The following KIAA1217 variants were observed in gnomAD, a reference collection of about 807,000 sequenced individuals.
KIAA1217 encodes sickle tail protein homolog.
KIAA1217 carries 88 observed loss-of-function variants against 163.9 expected under a neutral mutation model. The observed-to-expected ratio is 0.54, with a 90% CI of 0.45 to 0.64. The LOEUF is 0.64. Ranked by LOEUF, KIAA1217 falls within the 30% of genes least tolerant of loss-of-function variation. KIAA1217 has a pLI of 0.00. For missense variants in KIAA1217, 2,372 were observed against 2,475.0 expected, an observed-to-expected ratio of 0.96 and a Z score of 0.88; for synonymous variants, 903 against 923.1, an observed-to-expected ratio of 0.98 and a Z score of 0.39.
At chr10:23,998,416 C>A (rs189466328) in intron 1 of KIAA1217, among the ~76,000 whole-genome samples, 100 of 152,322 alleles carry the variant, frequency 6.6e-4, no homozygotes, top group African/African-American at 2.3e-3. Flanking sequence ...TTTCCAGGAC[C>A]CTGTTTCTCG....
chr10:24,088,252 T>TAC, intron 2 of KIAA1217, among the ~76,000 whole-genome samples: 1 of 102,946 alleles, frequency 9.7e-6, no homozygotes, highest in African/African-American at 3.3e-5. Context: ...GTTTTTTTAA[T>TAC]ATACATATAT....
chr10:23,811,390 G>A (rs1017044216), intron 1 of KIAA1217, among the ~76,000 whole-genome samples: 2 of 150,388 alleles, frequency 1.3e-5, no homozygotes, highest in East Asian at 1.9e-4. Flanking sequence ...AGAAGGGAGT[G>A]GGACTGGAGA....
At chr10:23,996,923 T>G (rs1846515343) in intron 1 of KIAA1217, among the ~76,000 whole-genome samples, 2 of 152,196 alleles carry the variant, frequency 1.3e-5, no homozygotes, top group Admixed American at 1.3e-4. Context: ...TTTTTATTCT[T>G]ATTTACTCCT....
chr10:23,849,555 C>G (rs1839203092), intron 1 of KIAA1217, among the ~76,000 whole-genome samples: 1 of 152,058 alleles, frequency 6.6e-6, no homozygotes, highest in Non-Finnish European at 1.5e-5. Context: ...CTAAATGCAG[C>G]TGAGCTTCGC....
intron 6 of KIAA1217, among the ~76,000 whole-genome samples, chr10:24,484,537 G>A (rs569528166): frequency 1.5e-4 from 23 of 151,710 alleles, no homozygotes; most frequent in Admixed American, 8.5e-4. Context: ...GTGAGCCACC[G>A]TGTATGGCCT....
intron 1 of KIAA1217, among the ~76,000 whole-genome samples, chr10:23,774,142 C>T (rs1834913447): frequency 1.3e-5 from 2 of 152,040 alleles, no homozygotes; most frequent in African/African-American, 4.8e-5. Context: ...CCATCAATAC[C>T]TAATTTATCA....
intron 2 of KIAA1217, among the ~76,000 whole-genome samples, chr10:24,287,924 G>T (rs1244359711): frequency 6.6e-6 from 1 of 152,090 alleles, no homozygotes; most frequent in African/African-American, 2.4e-5. Context: ...TTTTTAAATT[G>T]TTCACTCTGG....
chr10:24,169,597 A>T (rs148531551), intron 2 of KIAA1217, among the ~76,000 whole-genome samples: 2 of 152,268 alleles, frequency 1.3e-5, no homozygotes, highest in East Asian at 3.9e-4. Context: ...AATGAAGTGT[A>T]GATCTGGAAA....
At chr10:23,824,648 AAATAAAAAAAATAT>A (rs1401512664) in intron 1 of KIAA1217, among the ~76,000 whole-genome samples, 201 of 84,364 alleles carry the variant, frequency 2.4e-3, no homozygotes, top group African/African-American at 0.011. Flanking sequence ...AAAAAAAAAA[AAATAAAAAAAATAT>A]ATATATATAT....
intron 2 of KIAA1217, among the ~76,000 whole-genome samples, chr10:24,300,650 C>T (rs2041206659): frequency 6.6e-6 from 1 of 152,186 alleles, no homozygotes; most frequent in African/African-American, 2.4e-5. Context: ...TCACTACAGC[C>T]TCCACCTCCT....
chr10:23,837,469 T>C (rs1001235199), intron 1 of KIAA1217, among the ~76,000 whole-genome samples: 1 of 152,192 alleles, frequency 6.6e-6, no homozygotes, highest in Non-Finnish European at 1.5e-5. Context: ...CCCAAGGACA[T>C]TCTTTGGTTT....
Position 24,547,108 on chromosome 10 carries a change from T to A in KIAA1217, c.*784T>A, listed in dbSNP as rs2075752031. 1 of 151,916 alleles carries A rather than the reference T, an allele frequency of 6.6e-6. No homozygotes were observed. Among genetic ancestry groups the A allele is most frequent in the South Asian group, 2.1e-4 (1 of 4,778 alleles). The allele number at this position is 151,916 out of a possible 1,614,324, so 9.4% of individuals were successfully genotyped here. ...ATGTTGAGATTCTCTAGTTGTTTTC[T>A]TTGGCGTATCTAACCCCTTCTTTTG... On this transcript the variant is annotated 3_prime_UTR_variant, in exon 21 of 21. Transcript: ENST00000376454.
At chr10:24,245,506 G>A (rs10508672) in intron 2 of KIAA1217, among the ~76,000 whole-genome samples, 18,719 of 152,150 alleles carry the variant, frequency 0.12, 1,985 homozygotes, top group African/African-American at 0.25. Context: ...CGTTTTTGGA[G>A]TGAATAAGAG....
At chr10:23,869,124 G>GTTTGTTTTTTTTTTTTTT (rs1840331986) in intron 1 of KIAA1217, among the ~76,000 whole-genome samples, 1 of 31,702 alleles carries the variant, frequency 3.2e-5, no homozygotes, top group African/African-American at 1.2e-4. Flanking sequence ...ATGAAATGTA[G>GTTTGTTTTTTTTTTTTTT]TTTTTTTTTT....
rs1485221051 is a variant in KIAA1217, at chr10:23,695,991, C to T, written c.-321+757C>T. ...TGCCCTCCCCGCTCGCCGCTCTCCCCGCGCCGCTGCGGGTCCTCCGAGACC... is the reference window on the plus strand; with the variant it reads ...TGCCCTCCCCGCTCGCCGCTCTCCCTGCGCCGCTGCGGGTCCTCCGAGACC... On this transcript the variant is annotated intron_variant, in intron 1 of 18. Coordinates refer to the KIAA1217 transcript ENST00000376462. The surrounding 1 kb of genome is among the most constrained non-coding windows in gnomAD (Gnocchi z 4.9). 5.9e-5 allele frequency among the ~76,000 whole-genome samples: 9 copies of T among 152,216 alleles called. No individual in the cohort carries two copies. The highest frequency in any genetic ancestry group is 5.9e-4 in the Admixed American group (9 of 15,290).
At chr10:23,999,205 T>C (rs1329504330) in intron 1 of KIAA1217, among the ~76,000 whole-genome samples, 1 of 152,218 alleles carries the variant, frequency 6.6e-6, no homozygotes, top group East Asian at 1.9e-4. Context: ...CTTTGTTTAG[T>C]CTGTTGGTTG....
At chr10:23,761,054 AG>A (rs1834240537) in intron 1 of KIAA1217, among the ~76,000 whole-genome samples, 1 of 152,114 alleles carries the variant, frequency 6.6e-6, no homozygotes. Flanking sequence ...GTTTGAGATT[AG>A]GCTGGGCAAC....
intron 3 of KIAA1217, among the ~76,000 whole-genome samples, chr10:24,404,533 C>T (rs2056969180): frequency 7.5e-6 from 1 of 133,126 alleles, no homozygotes; most frequent in Non-Finnish European, 1.5e-5. Flanking sequence ...CACCACTGCA[C>T]TCCAGGGTGG....
chr10:23,836,764 A>G (rs530097079), intron 1 of KIAA1217, among the ~76,000 whole-genome samples: 112 of 151,922 alleles, frequency 7.4e-4, no homozygotes, highest in Non-Finnish European at 1.3e-3. Context: ...CGTCTCCACA[A>G]AAAATAAAAA....
Sources: allele counts gnomAD v4.1 joint callset (sites outside exome capture counted in the v4.1 genomes callset), GRCh38; gene constraint gnomAD v4.1.1; non-coding constraint Gnocchi (gnomAD v3.1); transcripts MANE v1.5; gene names NCBI Gene and HGNC (gene_info 2026-07-23, HGNC 2026-07-21).